The following RABGAP1L variants were observed in gnomAD, a reference collection of about 807,000 sequenced individuals.
The protein encoded by RABGAP1L is rab GTPase-activating protein 1-like.
RABGAP1L carries 63 observed loss-of-function variants against 137.7 expected under a neutral mutation model. That is an observed-to-expected ratio of 0.46 (90% CI 0.37 to 0.56). The LOEUF (loss-of-function observed/expected upper bound fraction) is 0.56, where lower values mean the gene tolerates loss of function less well. Ranked by LOEUF, RABGAP1L falls within the 20% of genes least tolerant of loss-of-function variation. RABGAP1L has a pLI of 0.00. For synonymous variants in RABGAP1L, 431 were observed against 433.7 expected, an observed-to-expected ratio of 0.99 and a Z score of 0.08; for missense variants, 1,095 against 1,244.0, an observed-to-expected ratio of 0.88 and a Z score of 1.80.
intron 19 of RABGAP1L, among the ~76,000 whole-genome samples, chr1:174,925,167 C>T (rs1407048564): frequency 2.0e-5 from 3 of 151,920 alleles, no homozygotes; most frequent in Admixed American, 2.0e-4. Context: ...AGATTGAGAC[C>T]ATCCTGGCTA....
At chr1:174,492,166 T>C (rs1319392579) in intron 13 of RABGAP1L, among the ~76,000 whole-genome samples, 1 of 150,358 alleles carries the variant, frequency 6.7e-6, no homozygotes, top group African/African-American at 2.5e-5. Flanking sequence ...CCACCCTCTA[T>C]GTCGAATTAC....
chr1:174,821,583 T>G (rs137981976), intron 19 of RABGAP1L, among the ~76,000 whole-genome samples: 58 of 152,356 alleles, frequency 3.8e-4, no homozygotes, highest in African/African-American at 1.3e-3. Flanking sequence ...GATTTGAATG[T>G]TTTTGAAAAT....
intron 1 of RABGAP1L, among the ~76,000 whole-genome samples, chr1:174,195,653 CTTTCCT>C (rs773063325): frequency 5.0e-5 from 4 of 79,404 alleles, no homozygotes; most frequent in African/African-American, 2.1e-4. Context: ...TCCTTCCTTC[CTTTCCT>C]TTCCTTTCCT....
chr1:174,441,602 T>C (rs1345996813), intron 13 of RABGAP1L, among the ~76,000 whole-genome samples: 1 of 151,912 alleles, frequency 6.6e-6, no homozygotes, highest in Non-Finnish European at 1.5e-5. Context: ...GGCGTGGTGG[T>C]GCATGCCTGT....
chr1:174,873,251 A>C (rs774071240), intron 19 of RABGAP1L, among the ~76,000 whole-genome samples: 61 of 151,682 alleles, frequency 4.0e-4, no homozygotes, highest in Non-Finnish European at 6.8e-4. Context: ...TTGTATTTTT[A>C]TTAGAGACGG....
In RABGAP1L at chr1:174,393,970, A is replaced by G. The variant is rs760043524; in HGVS notation, c.1560-25A>G. ...TTCAGGAGTTGTAAAGGAAGTGTGA[A>G]TGGATTATTTTCTTGTCTTCTCAGG... On this transcript the variant is annotated intron_variant, in intron 12 of 25. Transcript: ENST00000681986. 8.7e-6 allele frequency: 14 copies of G among 1,607,108 alleles called. No homozygotes were observed. The Admixed American group carries it at 1.4e-4, about 16-fold the overall frequency.
At chr1:174,622,149 A>G (rs1572562861) in intron 13 of RABGAP1L, among the ~76,000 whole-genome samples, 2 of 152,198 alleles carry the variant, frequency 1.3e-5, no homozygotes, top group East Asian at 1.9e-4. Context: ...CAAAACCACA[A>G]TGAGATACCA....
In RABGAP1L at chr1:174,990,015, C is replaced by A; in HGVS notation, c.*14C>A. 1 of 1,522,788 alleles carries A rather than the reference C, an allele frequency of 6.6e-7. No individual in the cohort carries two copies. The highest frequency in any genetic ancestry group is 1.2e-5 in the South Asian group (1 of 83,322). The allele number at this position is 1,522,788 out of a possible 1,614,324, so 94.3% of individuals were successfully genotyped here. A position where few individuals can be genotyped will look rare whatever the true frequency, so the allele number is the denominator to read the frequency against. ...GAGAGCACATAGTTCCAGCCTTACCCAAGCACAAGAGCACAATGTTCAAAC... is the reference window on the plus strand; with the variant it reads ...GAGAGCACATAGTTCCAGCCTTACCAAAGCACAAGAGCACAATGTTCAAAC... On this transcript the variant is annotated 3_prime_UTR_variant, in exon 26 of 26. Transcript: ENST00000681986.
At chr1:174,871,715 T>C (rs1005749596) in intron 19 of RABGAP1L, among the ~76,000 whole-genome samples, 4 of 152,316 alleles carry the variant, frequency 2.6e-5, no homozygotes, top group East Asian at 3.9e-4. Flanking sequence ...TTTCATTTCA[T>C]TTGATTGTTA....
At chr1:174,932,209 G>C (rs1019462652) in intron 19 of RABGAP1L, among the ~76,000 whole-genome samples, 1 of 149,694 alleles carries the variant, frequency 6.7e-6, no homozygotes, top group African/African-American at 2.4e-5. Flanking sequence ...TTTCTCTAAG[G>C]TTTTCAAAGA....
chr1:174,634,497 C>T (rs1386789209), intron 13 of RABGAP1L, among the ~76,000 whole-genome samples: 1 of 142,416 alleles, frequency 7.0e-6, no homozygotes, highest in African/African-American at 2.7e-5. Flanking sequence ...GGATCTAGAA[C>T]TAGAAATACC....
At chr1:174,554,469 C>A (rs1666747006) in intron 13 of RABGAP1L, among the ~76,000 whole-genome samples, 1 of 152,052 alleles carries the variant, frequency 6.6e-6, no homozygotes, top group South Asian at 2.1e-4. Flanking sequence ...GTGTCTGTGT[C>A]CCCTTGGCAT....
At chr1:174,894,118 G>A (rs1656736062) in intron 19 of RABGAP1L, among the ~76,000 whole-genome samples, 1 of 152,160 alleles carries the variant, frequency 6.6e-6, no homozygotes, top group Admixed American at 6.5e-5. Flanking sequence ...ATATCTGCAA[G>A]GCAGTGTTAA....
intron 1 of RABGAP1L, among the ~76,000 whole-genome samples, chr1:174,207,162 T>TA (rs774085490): frequency 6.6e-6 from 1 of 152,128 alleles, no homozygotes; most frequent in Non-Finnish European, 1.5e-5. Flanking sequence ...TGAAGAAACA[T>TA]AAAAATCTTT....
intron 19 of RABGAP1L, among the ~76,000 whole-genome samples, chr1:174,838,680 A>G (rs2148937068): frequency 6.6e-6 from 1 of 152,218 alleles, no homozygotes; most frequent in Non-Finnish European, 1.5e-5. Context: ...TTGTAATCCC[A>G]GCACTTTGGG....
At chr1:174,680,684 C>T (rs533025725) in intron 14 of RABGAP1L, among the ~76,000 whole-genome samples, 1 of 152,162 alleles carries the variant, frequency 6.6e-6, no homozygotes, top group South Asian at 2.1e-4. Flanking sequence ...TCACTTGAGC[C>T]TAGGAGCTCC....
intron 13 of RABGAP1L, among the ~76,000 whole-genome samples, chr1:174,438,744 G>GTATATATATA (rs71117563): frequency 0.027 from 2,593 of 95,104 alleles, 65 homozygotes; most frequent in East Asian, 0.049. Context: ...GTGTGTGTGT[G>GTATATATATA]TATATATATA....
At chr1:174,640,031 A>C (rs751376951) in intron 14 of RABGAP1L, among the ~76,000 whole-genome samples, 2 of 152,208 alleles carry the variant, frequency 1.3e-5, no homozygotes, top group African/African-American at 2.4e-5. Context: ...TTTTGTGAAG[A>C]TGTAGAAAAC....
At chr1:174,278,018 A>T (rs2148675628) in intron 9 of RABGAP1L, among the ~76,000 whole-genome samples, 1 of 152,320 alleles carries the variant, frequency 6.6e-6, no homozygotes, top group South Asian at 2.1e-4. Context: ...ACAGAGAACT[A>T]AAAATTGTAA....
Sources: allele counts gnomAD v4.1 joint callset (sites outside exome capture counted in the v4.1 genomes callset), GRCh38; gene constraint gnomAD v4.1.1; transcripts MANE v1.5; gene names NCBI Gene and HGNC (gene_info 2026-07-23, HGNC 2026-07-21).